Variants in DCDC1 observed in about 807,000 individuals in gnomAD.
DCDC1 encodes doublecortin domain containing 1, also known as doublecortin domain-containing protein 1.
In DCDC1, 200 loss-of-function variants were observed where a neutral mutation model predicts 178.3. That is an observed-to-expected ratio of 1.12 (90% CI 1.00 to 1.26). DCDC1 has a LOEUF of 1.26. Among genes scored for constraint, DCDC1 ranks in the 50% most tolerant of loss-of-function variants. The pLI is 0.00. For synonymous variants in DCDC1, 690 were observed against 604.8 expected (o/e 1.14, Z -2.07); for missense variants, 1,983 against 1,749.2 (o/e 1.13, Z -2.38).
chr11:30,927,726 C>A (rs890641425), intron 22 of DCDC1, among the ~76,000 whole-genome samples: 2 of 152,132 alleles, frequency 1.3e-5, no homozygotes, highest in Non-Finnish European at 2.9e-5. Flanking sequence ...TTAGATCATA[C>A]CTCAGTTTTG....
At chr11:31,364,686 G>A (rs775082193) in intron 1 of DCDC1, among the ~76,000 whole-genome samples, 2 of 152,054 alleles carry the variant, frequency 1.3e-5, no homozygotes, top group African/African-American at 2.4e-5. Context: ...AAAGTTCATC[G>A]ATGATGACTA....
At chr11:31,350,954 A>C (rs1203029714) in intron 1 of DCDC1, among the ~76,000 whole-genome samples, 1 of 152,070 alleles carries the variant, frequency 6.6e-6, no homozygotes, top group Non-Finnish European at 1.5e-5. Flanking sequence ...TGTAGCTAAC[A>C]TTAAATATTT....
chr11:31,039,485 T>C (rs1954293949), intron 20 of DCDC1, among the ~76,000 whole-genome samples: 1 of 152,170 alleles, frequency 6.6e-6, no homozygotes, highest in African/African-American at 2.4e-5. Context: ...GTCACTAATT[T>C]GTAAATTATG....
intron 11 of DCDC1, among the ~76,000 whole-genome samples, chr11:31,124,247 C>T (rs565785142): frequency 6.6e-5 from 10 of 152,032 alleles, no homozygotes; most frequent in East Asian, 5.8e-4. Context: ...TGAATTTTAT[C>T]GAAGGGATTT....
intron 9 of DCDC1, among the ~76,000 whole-genome samples, chr11:31,220,349 T>C (rs1379302695): frequency 6.6e-6 from 1 of 152,184 alleles, no homozygotes; most frequent in Non-Finnish European, 1.5e-5. Context: ...TAATACTAAA[T>C]GTTTCACCAA....
chr11:31,318,687 T>G (rs1949215370), intron 3 of DCDC1, among the ~76,000 whole-genome samples: 1 of 23,180 alleles, frequency 4.3e-5, no homozygotes, highest in Non-Finnish European at 6.8e-5. Context: ...AGTTATTTCT[T>G]GCCTTCTGCT....
intron 9 of DCDC1, among the ~76,000 whole-genome samples, chr11:31,167,267 T>C (rs1177849531): frequency 1.1e-4 from 17 of 152,206 alleles, no homozygotes; most frequent in Admixed American, 9.8e-4. Context: ...AAAATCACCA[T>C]AAGTTCATCA....
Position 31,091,519 on chromosome 11 carries a change from T to G in DCDC1, c.2119-8A>C. 1.4e-6 allele frequency: 1 copy of G among 740,682 alleles called. No homozygotes were observed. Among genetic ancestry groups the G allele is most frequent in the Non-Finnish European group, 2.5e-6 (1 of 404,278 alleles). The allele number at this position is 740,682 out of a possible 1,614,324, so 45.9% of individuals were successfully genotyped here. A position where few individuals can be genotyped will look rare whatever the true frequency, so the allele number is the denominator to read the frequency against. On this transcript the variant is annotated splice_polypyrimidine_tract_variant and splice_region_variant and intron_variant, in intron 16 of 38. Transcript: ENST00000684477. ...GCTCAGGATCATTCCAGTCTTCCAA[T>G]GAATAGAGAGGGGGAGAAAGGTCTA...
At chr11:30,952,970 G>T (rs1565117715) in intron 20 of DCDC1, among the ~76,000 whole-genome samples, 1 of 151,900 alleles carries the variant, frequency 6.6e-6, no homozygotes, top group Non-Finnish European at 1.5e-5. Flanking sequence ...CCAACAGATT[G>T]CAAAGTACCA....
chr11:30,934,609 T>A (rs559547420), intron 21 of DCDC1, among the ~76,000 whole-genome samples: 4 of 152,188 alleles, frequency 2.6e-5, no homozygotes, highest in Non-Finnish European at 5.9e-5. Context: ...GGATCCGACC[T>A]CTGCAACGTG....
intron 17 of DCDC1, among the ~76,000 whole-genome samples, chr11:31,081,854 A>C (rs1957197839): frequency 6.6e-6 from 1 of 152,114 alleles, no homozygotes; most frequent in Admixed American, 6.6e-5. Flanking sequence ...AAAAAAACAA[A>C]CCTCTCATGA....
At chr11:31,362,634 CA>C (rs1170260961) in intron 1 of DCDC1, among the ~76,000 whole-genome samples, 9 of 152,004 alleles carry the variant, frequency 5.9e-5, no homozygotes, top group African/African-American at 2.2e-4. Context: ...TCTATCACAC[CA>C]AAAAACTCAT....
intron 6 of DCDC1, among the ~76,000 whole-genome samples, chr11:31,292,903 A>C (rs1398904579): frequency 6.6e-6 from 1 of 152,112 alleles, no homozygotes; most frequent in East Asian, 1.9e-4. Context: ...ATTGTAGTGT[A>C]ATGGGAGTTT....
intron 20 of DCDC1, among the ~76,000 whole-genome samples, chr11:31,063,812 C>G (rs1055294935): frequency 3.3e-5 from 5 of 152,082 alleles, no homozygotes; most frequent in Admixed American, 3.3e-4. Flanking sequence ...AAGAGTATTT[C>G]AGTCAACAGT....
At chr11:30,928,306 T>C (rs950788518) in intron 22 of DCDC1, among the ~76,000 whole-genome samples, 6 of 152,040 alleles carry the variant, frequency 3.9e-5, no homozygotes, top group Non-Finnish European at 7.3e-5. Context: ...AATCTTGAAC[T>C]TTCCAGCCAT....
chr11:30,873,372 G>T (rs1003350685), intron 38 of DCDC1, among the ~76,000 whole-genome samples: 2 of 150,898 alleles, frequency 1.3e-5, no homozygotes, highest in African/African-American at 4.9e-5. Context: ...TATAGAGAGA[G>T]AGAGAGAGAG....
intron 7 of DCDC1, among the ~76,000 whole-genome samples, chr11:31,280,516 T>C (rs1453319058): frequency 6.6e-6 from 1 of 152,172 alleles, no homozygotes; most frequent in Non-Finnish European, 1.5e-5. Context: ...AACCAGAAGC[T>C]AGTCTTAGTT....
intron 20 of DCDC1, among the ~76,000 whole-genome samples, chr11:31,017,346 C>T (rs764857020): frequency 2.6e-5 from 4 of 152,024 alleles, no homozygotes; most frequent in Non-Finnish European, 5.9e-5. Flanking sequence ...TGATGTAGCT[C>T]CATTTAATGA....
At chr11:31,118,155 C>G (rs924530740) in intron 11 of DCDC1, among the ~76,000 whole-genome samples, 1 of 152,066 alleles carries the variant, frequency 6.6e-6, no homozygotes, top group East Asian at 1.9e-4. Context: ...ACTAAATCAT[C>G]AAACTTTCCC....
Sources: gnomAD v4.1 joint callset for allele counts (sites outside exome capture counted in the v4.1 genomes callset) on GRCh38, gnomAD v4.1.1 for gene constraint, MANE v1.5 for transcripts, NCBI Gene and HGNC (gene_info 2026-07-23, HGNC 2026-07-21) for gene names.